The following PDS5B variants were observed in gnomAD, a reference collection of about 807,000 sequenced individuals.
PDS5B encodes the protein sister chromatid cohesion protein PDS5 homolog B.
Under a neutral mutation model 184.1 loss-of-function variants are expected in PDS5B, and 51 were observed. The observed-to-expected ratio is 0.28, with a 90% confidence interval of 0.22 to 0.35. The LOEUF is 0.35. Ranked by LOEUF, PDS5B falls within the 10% of genes least tolerant of loss-of-function variation. The probability of loss-of-function intolerance (pLI) is 1.00; values close to 1 mark genes in which losing one functional copy is unlikely to be tolerated. For synonymous variants in PDS5B, 566 were observed against 569.2 expected (o/e 0.99, Z 0.08); for missense variants, 1,180 against 1,723.3 (o/e 0.68, Z 5.58).
Position 32,777,944 on chromosome 13 carries a change from A to G in PDS5B, c.*2892A>G, listed in dbSNP as rs1955001533. 1 of 152,446 alleles carries G rather than the reference A, an allele frequency of 6.6e-6. No individual in the cohort carries two copies. Among genetic ancestry groups the G allele is most frequent in the Non-Finnish European group, 1.5e-5 (1 of 67,872 alleles). The allele number at this position is 152,446 out of a possible 1,614,324, so 9.4% of individuals were successfully genotyped here. A position where few individuals can be genotyped will look rare whatever the true frequency, so the allele number is the denominator to read the frequency against. ...TAGTATTATGTCACCATAATGAACA[A>G]TTGCTATTTAAATAGATAACCAATT... On this transcript the variant is annotated 3_prime_UTR_variant, in exon 35 of 35. Coordinates refer to ENST00000315596, the MANE Select transcript of PDS5B (RefSeq NM_015032.4).
At chr13:32,594,797 A>G (rs2057832858) in intron 1 of PDS5B, among the ~76,000 whole-genome samples, 1 of 151,922 alleles carries the variant, frequency 6.6e-6, no homozygotes, top group Non-Finnish European at 1.5e-5. Flanking sequence ...AACCTGGGGG[A>G]CTAAATTAGT....
chr13:32,741,202 T>C, intron 22 of PDS5B, 54 bp downstream of exon 22: 1 of 943,110 alleles, frequency 1.1e-6, no homozygotes, highest in East Asian at 2.5e-5. Context: ...CATTGTAATA[T>C]TTGAGGTATT....
At chr13:32,772,134 A>G (rs1382252040) in intron 33 of PDS5B, among the ~76,000 whole-genome samples, 1 of 152,114 alleles carries the variant, frequency 6.6e-6, no homozygotes, top group Non-Finnish European at 1.5e-5. Context: ...CTATAGTTTC[A>G]TTAATCTCGA....
At chr13:32,605,000 T>G (rs930143496) in intron 1 of PDS5B, among the ~76,000 whole-genome samples, 5 of 152,204 alleles carry the variant, frequency 3.3e-5, no homozygotes, top group African/African-American at 1.2e-4. Context: ...GTCTATGAAT[T>G]TTGTTGATCT....
chr13:32,762,396 A>G (rs963364239), intron 30 of PDS5B, among the ~76,000 whole-genome samples: 2 of 152,210 alleles, frequency 1.3e-5, no homozygotes, highest in African/African-American at 2.4e-5. Flanking sequence ...AAATTGTTGA[A>G]TGATATATAG....
At chr13:32,606,801 C>T (rs978475813) in intron 1 of PDS5B, among the ~76,000 whole-genome samples, 2 of 152,202 alleles carry the variant, frequency 1.3e-5, no homozygotes, top group Non-Finnish European at 2.9e-5. Context: ...CTTCTTGCTT[C>T]ATTTCATTCA....
In PDS5B at chr13:32,675,709, T is replaced by C. The variant is rs1951046475; in HGVS notation, c.847-135T>C. On this transcript the variant is annotated intron_variant, in intron 8 of 34. Coordinates refer to ENST00000315596, the MANE Select transcript of PDS5B (RefSeq NM_015032.4). ...GTGAAAAGTATAGTGAGCATTTTTA[T>C]GTAATTTTTCATTTAGAGTTCATGA... 3 of 543,426 alleles carry C rather than the reference T, an allele frequency of 5.5e-6. No homozygotes were observed. In the East Asian group the frequency reaches 8.4e-5, roughly 15 times the overall value. The allele number at this position is 543,426 out of a possible 1,614,324, so 33.7% of individuals were successfully genotyped here. A position where few individuals can be genotyped will look rare whatever the true frequency, so the allele number is the denominator to read the frequency against.
intron 1 of PDS5B, among the ~76,000 whole-genome samples, chr13:32,586,794 T>G (rs2057683891): frequency 3.0e-5 from 4 of 132,142 alleles, no homozygotes; most frequent in East Asian, 2.5e-4. Flanking sequence ...GGGGCGGGGG[T>G]CGCGGGGCGC....
chr13:32,708,565 GATATATAAT>G (rs1952103232), intron 18 of PDS5B, among the ~76,000 whole-genome samples: 1 of 152,004 alleles, frequency 6.6e-6, no homozygotes, highest in South Asian at 2.1e-4. Flanking sequence ...AAATTTTACC[GATATATAAT>G]CCCATCAGTA....
Position 32,593,806 on chromosome 13 carries a change from A to C in PDS5B, c.-20+7213A>C, listed in dbSNP as rs575605208. ...AGGTTGAGGAGAAGGAGGAAAAGGA[A>C]GGATTAGTCTTGTTGTCTCGAGGGT... On this transcript the variant is annotated intron_variant, in intron 1 of 34. Coordinates refer to ENST00000315596, the MANE Select transcript of PDS5B (RefSeq NM_015032.4). 3.3e-5 allele frequency among the ~76,000 whole-genome samples: 5 copies of C among 152,274 alleles called. No individual in the cohort carries two copies. In the South Asian group the frequency reaches 1.0e-3, roughly 32 times the overall value.
intron 30 of PDS5B, among the ~76,000 whole-genome samples, chr13:32,761,550 A>G (rs1016749334): frequency 6.6e-6 from 1 of 152,092 alleles, no homozygotes; most frequent in Admixed American, 6.5e-5. Flanking sequence ...CCTCCCATTT[A>G]TAAGTGAGAA....
At chr13:32,712,907 T>C (rs1345437872) in intron 19 of PDS5B, among the ~76,000 whole-genome samples, 1 of 152,058 alleles carries the variant, frequency 6.6e-6, no homozygotes, top group Non-Finnish European at 1.5e-5. Context: ...CAGAAGAAAA[T>C]TATACGCTTA....
chr13:32,740,015 A>G (rs562748297), intron 21 of PDS5B, among the ~76,000 whole-genome samples: 1 of 152,206 alleles, frequency 6.6e-6, no homozygotes, highest in South Asian at 2.1e-4. Context: ...TATTTGTAAT[A>G]GTTTATACTA....
intron 19 of PDS5B, among the ~76,000 whole-genome samples, chr13:32,715,422 T>G (rs1429054440): frequency 6.6e-6 from 1 of 152,216 alleles, no homozygotes; most frequent in Non-Finnish European, 1.5e-5. Context: ...TTGTTTCCTT[T>G]TTGTTTGTAT....
chr13:32,718,296 G>A (rs1050705712), intron 19 of PDS5B, among the ~76,000 whole-genome samples: 12 of 151,888 alleles, frequency 7.9e-5, no homozygotes, highest in African/African-American at 2.4e-4. Context: ...GACTACAGGC[G>A]CCCGCCACCA....
intron 19 of PDS5B, among the ~76,000 whole-genome samples, chr13:32,714,150 G>T (rs903408088): frequency 1.3e-5 from 2 of 152,310 alleles, no homozygotes; most frequent in East Asian, 3.9e-4. Context: ...CAGGGTAATA[G>T]AATATCACAA....
At chr13:32,748,698 T>C (rs1429169654) in intron 24 of PDS5B, among the ~76,000 whole-genome samples, 1 of 152,084 alleles carries the variant, frequency 6.6e-6, no homozygotes, top group Non-Finnish European at 1.5e-5. Context: ...CTATTCTTTC[T>C]TGACATGTAG....
chr13:32,647,078 T>C (rs1410819319), intron 1 of PDS5B, among the ~76,000 whole-genome samples: 2 of 152,132 alleles, frequency 1.3e-5, no homozygotes, highest in South Asian at 2.1e-4. Flanking sequence ...AATTTGTAGG[T>C]TGGTATTTTA....
intron 1 of PDS5B, among the ~76,000 whole-genome samples, chr13:32,593,993 C>T (rs1172275715): frequency 6.6e-6 from 1 of 152,016 alleles, no homozygotes; most frequent in Non-Finnish European, 1.5e-5. Context: ...TTTGAATGTT[C>T]CCAACACAAA....
Sources: allele counts gnomAD v4.1 joint callset (sites outside exome capture counted in the v4.1 genomes callset), GRCh38; gene constraint gnomAD v4.1.1; transcripts MANE v1.5; gene names NCBI Gene and HGNC (gene_info 2026-07-23, HGNC 2026-07-21).